The following PDGFRL variants were observed in gnomAD, a reference collection of about 807,000 sequenced individuals.
The protein encoded by PDGFRL is platelet-derived growth factor receptor-like protein.
Under a neutral mutation model 37.2 loss-of-function variants are expected in PDGFRL, and 46 were observed. The ratio of observed to expected loss-of-function variants is 1.24; its 90% CI spans 0.98 to 1.58. The LOEUF (loss-of-function observed/expected upper bound fraction) is 1.58, where lower values mean the gene tolerates loss of function less well. Ranked by LOEUF, PDGFRL falls within the 40% of genes most tolerant of loss-of-function variation. The pLI is 0.00. For missense variants in PDGFRL, 692 were observed against 467.6 expected, an observed-to-expected ratio of 1.48 and a Z score of -4.43; for synonymous variants, 251 against 184.3, an observed-to-expected ratio of 1.36 and a Z score of -2.93.
intron 2 of PDGFRL, among the ~76,000 whole-genome samples, chr8:17,597,827 A>G (rs577723521): frequency 3.7e-4 from 57 of 152,310 alleles, no homozygotes; most frequent in Admixed American, 7.8e-4. Flanking sequence ...GACCCACTCA[A>G]CTATGAATTT....
intron 5 of PDGFRL, among the ~76,000 whole-genome samples, chr8:17,640,500 C>T (rs1394693859): frequency 1.3e-5 from 2 of 152,148 alleles, no homozygotes; most frequent in Non-Finnish European, 2.9e-5. Context: ...CCCCCTTCCC[C>T]TATGTGTGTG....
chr8:17,578,338 T>A (rs981788836), intron 1 of PDGFRL, among the ~76,000 whole-genome samples: 13 of 152,306 alleles, frequency 8.5e-5, no homozygotes, highest in Middle Eastern at 6.8e-3. Flanking sequence ...TTCCTTTCTT[T>A]CCTAGGAAAC....
At chr8:17,622,048 A>G (rs77966107) in intron 3 of PDGFRL, among the ~76,000 whole-genome samples, 9,788 of 152,246 alleles carry the variant, frequency 0.064, 474 homozygotes, top group East Asian at 0.15. Flanking sequence ...TTGTGTCTCC[A>G]GTCCCTGTCC....
At chr8:17,592,474 T>G (rs961705151) in intron 2 of PDGFRL, among the ~76,000 whole-genome samples, 3 of 152,136 alleles carry the variant, frequency 2.0e-5, no homozygotes, top group Non-Finnish European at 2.9e-5. Flanking sequence ...GTGGATGCCC[T>G]TGGGGATAAA....
At chr8:17,626,084 T>G (rs1021577180) in intron 3 of PDGFRL, among the ~76,000 whole-genome samples, 9 of 152,254 alleles carry the variant, frequency 5.9e-5, no homozygotes, top group Admixed American at 5.2e-4. Flanking sequence ...CGCTTCAGAT[T>G]ATTCTACACA....
At chr8:17,603,265 G>C (rs185389238) in intron 2 of PDGFRL, among the ~76,000 whole-genome samples, 1 of 152,296 alleles carries the variant, frequency 6.6e-6, no homozygotes, top group Non-Finnish European at 1.5e-5. Context: ...GGGATTACAA[G>C]CATGAGCCAC....
intron 2 of PDGFRL, among the ~76,000 whole-genome samples, chr8:17,611,280 G>C (rs1804406462): frequency 6.6e-6 from 1 of 152,160 alleles, no homozygotes; most frequent in African/African-American, 2.4e-5. Context: ...GATAAAAAAG[G>C]GAGGCAAAAA....
At chr8:17,616,793 A>G (rs76401331) in intron 2 of PDGFRL, among the ~76,000 whole-genome samples, 1 of 152,036 alleles carries the variant, frequency 6.6e-6, no homozygotes, top group South Asian at 2.1e-4. Context: ...AGCACCTCCC[A>G]TTTATTTTGT....
At chr8:17,578,318 T>C (rs1803631898) in intron 1 of PDGFRL, among the ~76,000 whole-genome samples, 1 of 152,176 alleles carries the variant, frequency 6.6e-6, no homozygotes, top group Non-Finnish European at 1.5e-5. Context: ...CACTCGTTCA[T>C]CCTGACCAGT....
chr8:17,610,356 A>G (rs1804384950), intron 2 of PDGFRL, among the ~76,000 whole-genome samples: 3 of 152,194 alleles, frequency 2.0e-5, no homozygotes, highest in Non-Finnish European at 4.4e-5. Flanking sequence ...GGAATCCGAA[A>G]TGCTACAAAA....
intron 5 of PDGFRL, among the ~76,000 whole-genome samples, chr8:17,639,399 T>C (rs1382315918): frequency 6.6e-6 from 1 of 152,188 alleles, no homozygotes; most frequent in East Asian, 1.9e-4. Flanking sequence ...AAGAAGGTTC[T>C]ATTTTGGTGT....
intron 2 of PDGFRL, among the ~76,000 whole-genome samples, chr8:17,600,130 T>C (rs1804137159): frequency 6.6e-6 from 1 of 152,176 alleles, no homozygotes; most frequent in Non-Finnish European, 1.5e-5. Flanking sequence ...TTTTTCCTAT[T>C]CATTCTTCAA....
chr8:17,592,319 C>T (rs1018607641), intron 2 of PDGFRL, among the ~76,000 whole-genome samples: 2 of 152,180 alleles, frequency 1.3e-5, no homozygotes, highest in Admixed American at 1.3e-4. Flanking sequence ...ATTTGCATTC[C>T]TGGAGTCACT....
chr8:17,635,949 C>T (rs1804962855), intron 5 of PDGFRL, among the ~76,000 whole-genome samples: 1 of 152,174 alleles, frequency 6.6e-6, no homozygotes, highest in Non-Finnish European at 1.5e-5. Context: ...ATGTCCTAAG[C>T]CCAATTTTTG....
At chr8:17,633,208 T>C (rs562412741) in intron 4 of PDGFRL, among the ~76,000 whole-genome samples, 21 of 152,212 alleles carry the variant, frequency 1.4e-4, no homozygotes, top group African/African-American at 5.1e-4. Context: ...GCATGAGAAT[T>C]GCTTGAGGCC....
intron 2 of PDGFRL, 139 bp from the exon 3 acceptor site, chr8:17,620,912 A>G (rs879417180): frequency 1.4e-5 from 6 of 426,292 alleles, no homozygotes; most frequent in South Asian, 1.1e-4. Context: ...TGACAAGTCA[A>G]ACACATTCTT....
chr8:17,618,385 A>C (rs1291398382), intron 2 of PDGFRL, among the ~76,000 whole-genome samples: 1 of 152,168 alleles, frequency 6.6e-6, no homozygotes, highest in African/African-American at 2.4e-5. Flanking sequence ...TTGCTGTGCT[A>C]ACTATCCCCA....
intron 2 of PDGFRL, among the ~76,000 whole-genome samples, chr8:17,595,161 C>T (rs1363101385): frequency 6.6e-6 from 1 of 152,158 alleles, no homozygotes; most frequent in African/African-American, 2.4e-5. Flanking sequence ...ATGCCCAGAG[C>T]AAGGCCCCCC....
intron 1 of PDGFRL, among the ~76,000 whole-genome samples, chr8:17,585,065 T>C (rs1803787063): frequency 6.6e-6 from 1 of 152,164 alleles, no homozygotes; most frequent in Admixed American, 6.5e-5. Context: ...GACTTCCTGA[T>C]GTTACCATGG....
Sources: gnomAD v4.1 joint callset for allele counts (sites outside exome capture counted in the v4.1 genomes callset) on GRCh38, gnomAD v4.1.1 for gene constraint, MANE v1.5 for transcripts, NCBI Gene and HGNC (gene_info 2026-07-23, HGNC 2026-07-21) for gene names.